The following COL8A1 variants were observed in gnomAD, a reference collection of about 807,000 sequenced individuals.
The protein encoded by COL8A1 is collagen alpha-1(VIII) chain.
COL8A1 carries 21 observed loss-of-function variants against 42.7 expected under a neutral mutation model. The ratio of observed to expected loss-of-function variants is 0.49; its 90% CI spans 0.35 to 0.71. The LOEUF is 0.71. Ranked by LOEUF, COL8A1 falls within the 30% of genes least tolerant of loss-of-function variation. The pLI, the probability that COL8A1 is intolerant of heterozygous loss-of-function variation, is 0.01. For synonymous variants in COL8A1, 367 were observed against 369.1 expected (o/e 0.99, Z 0.06); for missense variants, 788 against 962.4 (o/e 0.82, Z 2.40).
At chr3:99,743,922 A>G (rs1286643787) in intron 1 of COL8A1, among the ~76,000 whole-genome samples, 1 of 151,766 alleles carries the variant, frequency 6.6e-6, no homozygotes, top group East Asian at 1.9e-4. Context: ...CAGCAAATGT[A>G]GATAATTCTT....
intron 1 of COL8A1, among the ~76,000 whole-genome samples, chr3:99,726,822 G>A (rs1940346056): frequency 6.6e-6 from 1 of 152,046 alleles, no homozygotes. Context: ...TAGCCTTGTA[G>A]TATAGTTTGA....
At chr3:99,674,588 G>C (rs148071796) in intron 1 of COL8A1, among the ~76,000 whole-genome samples, 1 of 151,800 alleles carries the variant, frequency 6.6e-6, no homozygotes, top group Non-Finnish European at 1.5e-5. Context: ...CATTTTGTTC[G>C]GTAAAAGCAA....
At chr3:99,777,352 T>C (rs1220447887) in intron 2 of COL8A1, among the ~76,000 whole-genome samples, 1 of 152,176 alleles carries the variant, frequency 6.6e-6, no homozygotes, top group Non-Finnish European at 1.5e-5. Context: ...AGACACCACA[T>C]TTCCCAGCTC....
At chr3:99,705,502 C>T (rs1939656519) in intron 1 of COL8A1, among the ~76,000 whole-genome samples, 1 of 152,108 alleles carries the variant, frequency 6.6e-6, no homozygotes, top group Non-Finnish European at 1.5e-5. Context: ...ACAGCAGACC[C>T]CTTGATTTTA....
chr3:99,694,721 GTTC>G (rs1479925209), intron 1 of COL8A1, among the ~76,000 whole-genome samples: 7 of 152,094 alleles, frequency 4.6e-5, no homozygotes, highest in Admixed American at 3.9e-4. Context: ...GGGATTCTTT[GTTC>G]TTAACCTCTT....
chr3:99,666,839 A>G (rs1938382013), intron 1 of COL8A1, among the ~76,000 whole-genome samples: 1 of 152,194 alleles, frequency 6.6e-6, no homozygotes, highest in African/African-American at 2.4e-5. Context: ...CCTTTGCTCT[A>G]CCAACAAGTT....
At chr3:99,784,344 A>G (rs1941851823) in intron 2 of COL8A1, among the ~76,000 whole-genome samples, 1 of 152,246 alleles carries the variant, frequency 6.6e-6, no homozygotes. Context: ...GTCAAAAAAG[A>G]CCTAAGAAAT....
intron 2 of COL8A1, among the ~76,000 whole-genome samples, chr3:99,789,613 G>A (rs891323182): frequency 3.1e-4 from 47 of 152,132 alleles, no homozygotes; most frequent in African/African-American, 1.1e-3. Flanking sequence ...TAAGCCTAGG[G>A]CGTTTCCAAA....
chr3:99,722,412 C>T (rs1940181382), intron 1 of COL8A1, among the ~76,000 whole-genome samples: 3 of 152,166 alleles, frequency 2.0e-5, no homozygotes, highest in East Asian at 1.9e-4. Flanking sequence ...AAACTTACAC[C>T]CTTTGACATT....
At chr3:99,640,486 G>A (rs984676229) in intron 1 of COL8A1, among the ~76,000 whole-genome samples, 1 of 152,152 alleles carries the variant, frequency 6.6e-6, no homozygotes, top group East Asian at 1.9e-4. Context: ...TTGGGGTGGA[G>A]GGGGAAATGC....
At position 99,648,517 on chromosome 3, in the gene COL8A1, C is replaced by T. The variant is rs1024601375; in HGVS notation, c.-129+9853C>T. ...CATTTCAGAGCCAAAAAAGTAAGGACTGTGTAATTAGAAAAGAAAAAACAA... is the reference window on the plus strand; with the variant it reads ...CATTTCAGAGCCAAAAAAGTAAGGATTGTGTAATTAGAAAAGAAAAAACAA... On this transcript the variant is annotated intron_variant, in intron 1 of 3. Coordinates refer to ENST00000652472, the MANE Select transcript of COL8A1 (RefSeq NM_020351.4). Among the ~76,000 whole-genome samples, 8 of 151,554 alleles carry T rather than the reference C, an allele frequency of 5.3e-5. No homozygotes were observed. The East Asian group carries it at 1.5e-3, about 29-fold the overall frequency.
At chr3:99,703,896 A>G (rs1939610329) in intron 1 of COL8A1, among the ~76,000 whole-genome samples, 1 of 152,182 alleles carries the variant, frequency 6.6e-6, no homozygotes. Flanking sequence ...CACAGTGGAT[A>G]TATTTTTTAC....
At chr3:99,662,886 G>A (rs1471464835) in intron 1 of COL8A1, among the ~76,000 whole-genome samples, 1 of 152,074 alleles carries the variant, frequency 6.6e-6, no homozygotes, top group East Asian at 1.9e-4. Context: ...TTTTTATAAG[G>A]ACCCCAATCA....
chr3:99,790,578 A>T, intron 2 of COL8A1, 102 bp from the exon 3 acceptor site: 1 of 882,560 alleles, frequency 1.1e-6, no homozygotes, highest in Non-Finnish European at 1.7e-6. Flanking sequence ...TTCTGATGTT[A>T]AAGACTGTTT....
At chr3:99,745,498 T>C (rs1941006409) in intron 2 of COL8A1, among the ~76,000 whole-genome samples, 1 of 152,218 alleles carries the variant, frequency 6.6e-6, no homozygotes, top group African/African-American at 2.4e-5. Flanking sequence ...CTCTCAGTCA[T>C]GTCTATATAT....
chr3:99,661,375 T>C (rs909712113), intron 1 of COL8A1, among the ~76,000 whole-genome samples: 1 of 152,116 alleles, frequency 6.6e-6, no homozygotes, highest in African/African-American at 2.4e-5. Flanking sequence ...TCACTAATCA[T>C]TAGGGAAAAT....
chr3:99,733,279 C>T (rs1302505059), intron 1 of COL8A1, among the ~76,000 whole-genome samples: 2 of 150,020 alleles, frequency 1.3e-5, no homozygotes, highest in Non-Finnish European at 3.0e-5. Flanking sequence ...GGTATATCTC[C>T]CAATGCTATC....
chr3:99,689,923 C>T (rs887449146), intron 1 of COL8A1, among the ~76,000 whole-genome samples: 27 of 152,194 alleles, frequency 1.8e-4, no homozygotes, highest in African/African-American at 6.5e-4. Flanking sequence ...AAGACAAACT[C>T]GGGCTACTGT....
chr3:99,714,976 C>A (rs143297996), intron 1 of COL8A1, among the ~76,000 whole-genome samples: 1 of 151,982 alleles, frequency 6.6e-6, no homozygotes, highest in East Asian at 1.9e-4. Flanking sequence ...AATGCGAAGT[C>A]CTTAGGGAGC....
Sources: allele counts gnomAD v4.1 joint callset (sites outside exome capture counted in the v4.1 genomes callset), GRCh38; gene constraint gnomAD v4.1.1; transcripts MANE v1.5; gene names NCBI Gene and HGNC (gene_info 2026-07-23, HGNC 2026-07-21).